The following HPCAL1 variants were observed in gnomAD, a reference collection of about 807,000 sequenced individuals.
HPCAL1 encodes hippocalcin-like protein 1.
In HPCAL1, 8 loss-of-function variants were observed where a neutral mutation model predicts 17.1. That is an observed-to-expected ratio of 0.47 (90% CI 0.27 to 0.84). The LOEUF (loss-of-function observed/expected upper bound fraction) is 0.84. Ranked by LOEUF, HPCAL1 falls within the 40% of genes least tolerant of loss-of-function variation. The probability of loss-of-function intolerance (pLI) is 0.13; values close to 1 mark genes in which losing one functional copy is unlikely to be tolerated. For synonymous variants in HPCAL1, 112 were observed against 111.4 expected, an observed-to-expected ratio of 1.01 and a Z score of -0.03; for missense variants, 165 against 271.1, an observed-to-expected ratio of 0.61 and a Z score of 2.75.
chr2:10,312,016 ATCG>A (rs1387189119), intron 1 of HPCAL1, among the ~76,000 whole-genome samples: 8 of 149,298 alleles, frequency 5.4e-5, no homozygotes, highest in Non-Finnish European at 8.9e-5. Flanking sequence ...CATCACTGTT[ATCG>A]TCACCATTCA....
In HPCAL1 at chr2:10,394,301, C is replaced by T. The variant is rs906807479; in HGVS notation, c.-110-2534C>T. Reference sequence around the variant, plus strand: ...GTTGAGAATGAGCTCTCTGCCAGGCCGGTAGGAAGGGGATGATGAAATGAG... The same window carrying T: ...GTTGAGAATGAGCTCTCTGCCAGGCTGGTAGGAAGGGGATGATGAAATGAG... On this transcript the variant is annotated intron_variant, in intron 1 of 4. Coordinates refer to ENST00000307845, the MANE Select transcript of HPCAL1 (RefSeq NM_002149.4). The surrounding 1 kb of genome is among the most constrained non-coding windows in gnomAD (Gnocchi z 5.0). 7.9e-5 allele frequency among the ~76,000 whole-genome samples: 12 copies of T among 152,010 alleles called. No homozygotes were observed. Among genetic ancestry groups the T allele is most frequent in the Admixed American group, 3.9e-4 (6 of 15,246 alleles).
intron 1 of HPCAL1, among the ~76,000 whole-genome samples, chr2:10,341,634 C>G (rs1173383510): frequency 2.0e-5 from 3 of 152,074 alleles, no homozygotes; most frequent in Non-Finnish European, 4.4e-5. Flanking sequence ...GAAACCTAAA[C>G]ACGAGCCGTG....
At chr2:10,409,097 T>C (rs1231645346) in intron 2 of HPCAL1, among the ~76,000 whole-genome samples, 2 of 152,236 alleles carry the variant, frequency 1.3e-5, no homozygotes, top group Non-Finnish European at 2.9e-5. Flanking sequence ...TTTTTTCATA[T>C]GAAGTCGTCA....
chr2:10,419,102 T>C lies in HPCAL1; in HGVS notation c.-24-632T>C, dbSNP rs763042243. Among the ~76,000 whole-genome samples the C allele has an allele frequency of 6.6e-6, 1 of 152,082 alleles. No homozygotes were observed. Among genetic ancestry groups the C allele is most frequent in the Non-Finnish European group, 1.5e-5 (1 of 68,022 alleles). ...GGTGCATGCCTGTAATCCCAGCTAC[T>C]CAGGAGGCTGAGGCAGGAGAATTGC... On this transcript the variant is annotated intron_variant, in intron 2 of 4. Coordinates refer to ENST00000307845, the MANE Select transcript of HPCAL1 (RefSeq NM_002149.4). The surrounding 1 kb of genome is among the most constrained non-coding windows in gnomAD (Gnocchi z 5.0).
In HPCAL1 at chr2:10,350,319, C is replaced by CT. The variant is rs34432791; in HGVS notation, c.-110-46498dup. 2.5e-3 allele frequency among the ~76,000 whole-genome samples: 330 copies of CT among 130,220 alleles called. 3 individuals carry two copies. The highest frequency in any genetic ancestry group is 5.5e-3 in the South Asian group (22 of 3,990). 85.4% of individuals were successfully genotyped at this position (130,220 alleles called of 152,430 possible). On this transcript the variant is annotated intron_variant, in intron 1 of 4. Transcript: ENST00000307845. ...TTCTGGCCTTTTAAAAATCTATGTC[C>CT]TTTTTTTTTTTTTTTTTTGAGGCAG...
intron 1 of HPCAL1, among the ~76,000 whole-genome samples, chr2:10,378,227 T>C (rs1175823730): frequency 6.9e-6 from 1 of 145,666 alleles, no homozygotes; most frequent in African/African-American, 2.5e-5. Context: ...TTTCATGTTT[T>C]TTTTTTTTTT....
chr2:10,374,253 A>C (rs575955064), intron 1 of HPCAL1, among the ~76,000 whole-genome samples: 5 of 151,514 alleles, frequency 3.3e-5, no homozygotes, highest in African/African-American at 1.2e-4. Context: ...TAAAACACTT[A>C]TTTTAATTAT....
At chr2:10,307,997 C>A (rs1212276145) in intron 1 of HPCAL1, among the ~76,000 whole-genome samples, 1 of 152,192 alleles carries the variant, frequency 6.6e-6, no homozygotes, top group Non-Finnish European at 1.5e-5. Context: ...CAGGCATCCT[C>A]CCTACCTGTG....
Position 10,336,071 on chromosome 2 carries a change from C to T in HPCAL1, c.-111+32894C>T, listed in dbSNP as rs994376523. On this transcript the variant is annotated intron_variant, in intron 1 of 4. Transcript: ENST00000307845. ...TGTAAATTAATTGCATGTGCGTATC[C>T]TCTGCTGTAAATTAATTGCATGTGC... is the stretch of plus-strand genomic sequence containing the variant. Among the ~76,000 whole-genome samples the T allele has an allele frequency of 4.0e-5, 6 of 148,698 alleles. No individual in the cohort carries two copies. The East Asian group carries it at 9.7e-4, about 24-fold the overall frequency.
chr2:10,410,246 G>A (rs978697234), intron 2 of HPCAL1, among the ~76,000 whole-genome samples: 1 of 152,200 alleles, frequency 6.6e-6, no homozygotes, highest in South Asian at 2.1e-4. Context: ...GCCGTCAGCC[G>A]GCACTGAGGT....
In HPCAL1 at chr2:10,304,742, A is replaced by G. The variant is rs1662510078; in HGVS notation, c.-111+1565A>G. On this transcript the variant is annotated intron_variant, in intron 1 of 4. Coordinates refer to ENST00000307845, the MANE Select transcript of HPCAL1 (RefSeq NM_002149.4). The surrounding 1 kb of genome is among the most constrained non-coding windows in gnomAD (Gnocchi z 4.1). ...GGTCGGGTGGCTCTCGGCCAGAGCGAAGGATATTCTTTCCCTTCATCGCCT... is the reference window on the plus strand; with the variant it reads ...GGTCGGGTGGCTCTCGGCCAGAGCGGAGGATATTCTTTCCCTTCATCGCCT... Among the ~76,000 whole-genome samples, 1 of 152,164 alleles carries G rather than the reference A, an allele frequency of 6.6e-6. No homozygotes were observed. The highest frequency in any genetic ancestry group is 1.9e-4 in the East Asian group (1 of 5,190).
chr2:10,370,223 A>G (rs1403683217), intron 1 of HPCAL1, among the ~76,000 whole-genome samples: 3 of 152,136 alleles, frequency 2.0e-5, no homozygotes, highest in Admixed American at 6.5e-5. Context: ...CTCTGCTTTT[A>G]TCTTCTTCCA....
At chr2:10,393,147 G>A (rs576818476) in intron 1 of HPCAL1, among the ~76,000 whole-genome samples, 1 of 152,326 alleles carries the variant, frequency 6.6e-6, no homozygotes, top group South Asian at 2.1e-4. Context: ...GACAGAAATC[G>A]GGAGCAACCA....
chr2:10,332,146 G>A, intron 1 of HPCAL1, among the ~76,000 whole-genome samples: 1 of 152,058 alleles, frequency 6.6e-6, no homozygotes, highest in Non-Finnish European at 1.5e-5. Flanking sequence ...CTGCTTTTGG[G>A]GACGATCACA....
At chr2:10,372,680 C>T (rs930112130) in intron 1 of HPCAL1, among the ~76,000 whole-genome samples, 2 of 152,178 alleles carry the variant, frequency 1.3e-5, no homozygotes, top group African/African-American at 2.4e-5. Context: ...CGGAGGGTGG[C>T]GTGGGTCCCA....
At chr2:10,397,486 G>T (rs1024833735) in intron 2 of HPCAL1, among the ~76,000 whole-genome samples, 1 of 150,776 alleles carries the variant, frequency 6.6e-6, no homozygotes, top group Non-Finnish European at 1.5e-5. Context: ...CGGGCCCAGG[G>T]TCTGTCTGAA....
At chr2:10,382,178 A>G (rs1007226155) in intron 1 of HPCAL1, among the ~76,000 whole-genome samples, 6 of 152,256 alleles carry the variant, frequency 3.9e-5, no homozygotes, top group Middle Eastern at 3.2e-3. Flanking sequence ...AGAGAAGCCA[A>G]TCTGAAAAGG....
chr2:10,333,704 A>G (rs1027536142), intron 1 of HPCAL1, among the ~76,000 whole-genome samples: 3 of 152,210 alleles, frequency 2.0e-5, no homozygotes, highest in Admixed American at 6.5e-5. Context: ...TGGAAAACAC[A>G]GAAAAACAGA....
chr2:10,356,757 G>C (rs1046891519), intron 1 of HPCAL1, among the ~76,000 whole-genome samples: 9 of 152,148 alleles, frequency 5.9e-5, no homozygotes, highest in African/African-American at 1.9e-4. Context: ...GCCCAGCCAT[G>C]CTCTTGGTGT....
Sources: allele counts gnomAD v4.1 joint callset (sites outside exome capture counted in the v4.1 genomes callset), GRCh38; gene constraint gnomAD v4.1.1; non-coding constraint Gnocchi (gnomAD v3.1); transcripts MANE v1.5; gene names NCBI Gene and HGNC (gene_info 2026-07-23, HGNC 2026-07-21).